CFAP20DC: variants seen among roughly 807,000 people sequenced by gnomAD.
The protein encoded by CFAP20DC is protein CFAP20DC.
Under a neutral mutation model 101.7 loss-of-function variants are expected in CFAP20DC, and 84 were observed. That is an observed-to-expected ratio of 0.83 (90% CI 0.69 to 0.99). The LOEUF (loss-of-function observed/expected upper bound fraction) is 0.99. CFAP20DC is among the 50% of genes least tolerant of loss of function. The probability of loss-of-function intolerance (pLI) is 0.00; values close to 1 mark genes in which losing one functional copy is unlikely to be tolerated. For synonymous variants in CFAP20DC, 359 were observed against 351.2 expected, an observed-to-expected ratio of 1.02 and a Z score of -0.25; for missense variants, 1,007 against 970.3, an observed-to-expected ratio of 1.04 and a Z score of -0.50.
At chr3:58,877,580 G>A (rs1387501156) in intron 7 of CFAP20DC, among the ~76,000 whole-genome samples, 3 of 152,190 alleles carry the variant, frequency 2.0e-5, no homozygotes, top group African/African-American at 7.2e-5. Flanking sequence ...TTAGAGATCT[G>A]TCCATGCTCT....
chr3:58,784,794 G>A (rs7623049), intron 15 of CFAP20DC, among the ~76,000 whole-genome samples: 3,138 of 152,186 alleles, frequency 0.021, 105 homozygotes, highest in African/African-American at 0.07. Context: ...AAGTATATAA[G>A]CTTTCTGAAA....
chr3:58,780,365 G>A (rs2071712931), intron 15 of CFAP20DC, among the ~76,000 whole-genome samples: 1 of 151,976 alleles, frequency 6.6e-6, no homozygotes, highest in African/African-American at 2.4e-5. Flanking sequence ...AATAGTAAGA[G>A]CAAAATAAAG....
intron 14 of CFAP20DC, among the ~76,000 whole-genome samples, chr3:58,820,315 A>T (rs2075537592): frequency 6.7e-6 from 1 of 150,188 alleles, no homozygotes; most frequent in African/African-American, 2.5e-5. Context: ...GGAGAAGGAA[A>T]TAAAGGGTAT....
intron 4 of CFAP20DC, among the ~76,000 whole-genome samples, chr3:59,038,109 C>T (rs2094135466): frequency 6.6e-6 from 1 of 152,048 alleles, no homozygotes; most frequent in Non-Finnish European, 1.5e-5. Flanking sequence ...GGGAACATCA[C>T]ACACCAGGGC....
intron 4 of CFAP20DC, among the ~76,000 whole-genome samples, chr3:59,020,461 T>C (rs1021597320): frequency 6.6e-6 from 1 of 152,066 alleles, no homozygotes; most frequent in Non-Finnish European, 1.5e-5. Flanking sequence ...CAATAGGTGC[T>C]CATATATATT....
chr3:59,039,172 T>C (rs1477176695), intron 4 of CFAP20DC, among the ~76,000 whole-genome samples: 1 of 152,052 alleles, frequency 6.6e-6, no homozygotes, highest in South Asian at 2.1e-4. Context: ...ATTATTAAAA[T>C]AAGATATTTC....
chr3:59,025,355 T>G (rs1053713751), intron 4 of CFAP20DC, among the ~76,000 whole-genome samples: 5 of 152,116 alleles, frequency 3.3e-5, no homozygotes, highest in Admixed American at 6.6e-5. Context: ...AGCATGAAAG[T>G]AGACAGGCTC....
intron 12 of CFAP20DC, among the ~76,000 whole-genome samples, chr3:58,860,260 G>T (rs1192303131): frequency 6.7e-6 from 1 of 149,954 alleles, no homozygotes; most frequent in Non-Finnish European, 1.5e-5. Flanking sequence ...GTATAATCCA[G>T]AAATATATGC....
At chr3:58,957,410 A>G (rs1186968814) in intron 4 of CFAP20DC, among the ~76,000 whole-genome samples, 1 of 152,216 alleles carries the variant, frequency 6.6e-6, no homozygotes, top group Non-Finnish European at 1.5e-5. Context: ...GTGGGAATGT[A>G]AATTAGTACA....
chr3:58,891,909 C>T (rs1311489333), intron 6 of CFAP20DC, among the ~76,000 whole-genome samples: 1 of 152,184 alleles, frequency 6.6e-6, no homozygotes, highest in Non-Finnish European at 1.5e-5. Context: ...GTGGACAAAT[C>T]TTTGCCTGTG....
In CFAP20DC at chr3:59,046,284, C is replaced by T. The variant is rs1299087191; in HGVS notation, c.150G>A (p.Leu50=). Residue 50 remains leucine (L), a synonymous_variant, in exon 3 of 17, where the codon CTG becomes CTA. Coordinates refer to ENST00000482387, the MANE Select transcript of CFAP20DC (RefSeq NM_001394063.1). ...TTTTGTTTGTTTGGCTGCTGCCTTC[C>T]AGGACAAACACAAAACTTTTAACTT... The part of the protein sequence containing the change: ...DKEVKSFVFV[L]EGSSQTNKIQ... 2 of 1,531,812 alleles carry T rather than the reference C, an allele frequency of 1.3e-6. No individual in the cohort carries two copies. Among genetic ancestry groups the T allele is most frequent in the African/African-American group, 1.4e-5 (1 of 72,656 alleles). The allele number at this position is 1,531,812 out of a possible 1,614,324, so 94.9% of individuals were successfully genotyped here.
At chr3:58,719,523 G>A (rs891660540) in intron 3 of CFAP20DC, among the ~76,000 whole-genome samples, 12 of 152,198 alleles carry the variant, frequency 7.9e-5, no homozygotes, top group African/African-American at 2.9e-4. Context: ...AAGATCCTGT[G>A]TTCTACCCAG....
intron 14 of CFAP20DC, among the ~76,000 whole-genome samples, chr3:58,816,662 G>A (rs2075183246): frequency 6.6e-6 from 1 of 152,170 alleles, no homozygotes; most frequent in Non-Finnish European, 1.5e-5. Context: ...CTTGCTGATT[G>A]CTAGCACAGC....
rs1043786165 is a variant in CFAP20DC, at chr3:58,899,750, C to T, written c.550+13958G>A. Among the ~76,000 whole-genome samples the T allele has an allele frequency of 3.9e-5, 6 of 152,152 alleles. No homozygotes were observed. Among genetic ancestry groups the T allele is most frequent in the Admixed American group, 6.5e-5 (1 of 15,280 alleles). On this transcript the variant is annotated intron_variant, in intron 6 of 16. Transcript: ENST00000482387. The surrounding 1 kb of genome is among the most constrained non-coding windows in gnomAD (Gnocchi z 5.0). ...GGGACTGTTGGCTTCATGCCACTCC[C>T]GGATGGGCCATCACCCCACCCTGCT...
In CFAP20DC at chr3:59,015,473, T is replaced by G. The variant is rs1422605848; in HGVS notation, c.278+24084A>C. Among the ~76,000 whole-genome samples the G allele has an allele frequency of 2.2e-5, 3 of 138,174 alleles. No homozygotes were observed. Among genetic ancestry groups the G allele is most frequent in the African/African-American group, 5.5e-5 (2 of 36,484 alleles). 90.6% of individuals were successfully genotyped at this position (138,174 alleles called of 152,430 possible). Reference sequence around the variant, plus strand: ...AAAACAAGAGAAAGAGGGAAAAGGATGAGGGAGAAAAGGAAGAGAAAGAAG... The same window carrying G: ...AAAACAAGAGAAAGAGGGAAAAGGAGGAGGGAGAAAAGGAAGAGAAAGAAG... On this transcript the variant is annotated intron_variant, in intron 4 of 16. Transcript: ENST00000482387. This position sits in a 1 kb window ranked among gnomAD's most constrained non-coding sequence, Gnocchi z 5.4.
At chr3:58,754,323 G>A (rs2068776305) in intron 15 of CFAP20DC, among the ~76,000 whole-genome samples, 1 of 152,162 alleles carries the variant, frequency 6.6e-6, no homozygotes, top group Admixed American at 6.6e-5. Context: ...AGTGGTGGGA[G>A]TCAGTCTCTC....
At chr3:58,896,662 G>C (rs1020379896) in intron 6 of CFAP20DC, among the ~76,000 whole-genome samples, 3 of 152,076 alleles carry the variant, frequency 2.0e-5, no homozygotes, top group Admixed American at 2.0e-4. Flanking sequence ...CTCAGGATCC[G>C]GTTGTTCAAT....
intron 16 of CFAP20DC, among the ~76,000 whole-genome samples, chr3:58,745,557 G>A (rs1246656457): frequency 6.6e-6 from 1 of 152,068 alleles, no homozygotes; most frequent in Admixed American, 6.6e-5. Flanking sequence ...TTACAAAATG[G>A]GAATAACAAT....
intron 4 of CFAP20DC, among the ~76,000 whole-genome samples, chr3:59,005,277 T>A (rs115229772): frequency 7.9e-5 from 12 of 152,286 alleles, no homozygotes; most frequent in Non-Finnish European, 2.9e-5. Context: ...CCAAACCTCA[T>A]TGAGGAAGCA....
Sources: allele counts gnomAD v4.1 joint callset (sites outside exome capture counted in the v4.1 genomes callset), GRCh38; gene constraint gnomAD v4.1.1; non-coding constraint Gnocchi (gnomAD v3.1); transcripts MANE v1.5; gene names NCBI Gene and HGNC (gene_info 2026-07-23, HGNC 2026-07-21).